The following KCNQ1 variants were observed in gnomAD, a reference collection of about 807,000 sequenced individuals.
KCNQ1 encodes the protein potassium voltage-gated channel subfamily Q member 1.
A neutral mutation model predicts 72.4 loss-of-function variants in KCNQ1; 49 were observed. That is an observed-to-expected ratio of 0.68 (90% confidence interval 0.54 to 0.86). KCNQ1 has a LOEUF of 0.86. KCNQ1 is among the 40% of genes least tolerant of loss of function. The pLI is 0.00. For synonymous variants in KCNQ1, 450 were observed against 412.6 expected (o/e 1.09, Z -1.10); for missense variants, 790 against 945.1 (o/e 0.84, Z 2.15).
At chr11:2,518,288 C>G (rs897998962) in intron 1 of KCNQ1, among the ~76,000 whole-genome samples, 12 of 152,334 alleles carry the variant, frequency 7.9e-5, no homozygotes, top group African/African-American at 2.9e-4. Context: ...GAAGCCCAGG[C>G]CAGGGCCTCC....
At chr11:2,841,348 C>T (rs372154072) in intron 15 of KCNQ1, among the ~76,000 whole-genome samples, 2 of 152,140 alleles carry the variant, frequency 1.3e-5, no homozygotes, top group Non-Finnish European at 2.9e-5. Flanking sequence ...TTGGCCCAGG[C>T]TGGGAGGGAA....
At chr11:2,455,306 G>C (rs1012611760) in intron 1 of KCNQ1, among the ~76,000 whole-genome samples, 1 of 151,626 alleles carries the variant, frequency 6.6e-6, no homozygotes, top group Non-Finnish European at 1.5e-5. Flanking sequence ...CACCGTGTTA[G>C]CCAGGATGGT....
At position 2,668,041 on chromosome 11, in the gene KCNQ1, C is replaced by G. The variant is rs1025585477; in HGVS notation, c.1514+5960C>G. ...TGCTAGCAGCAAGGACCAGCTTTGC[C>G]CACATTTGAACTTTATGCGGTGGGA... On this transcript the variant is annotated intron_variant, in intron 11 of 15. Coordinates refer to ENST00000155840, the MANE Select transcript of KCNQ1 (RefSeq NM_000218.3). This position sits in a 1 kb window ranked among gnomAD's most constrained non-coding sequence, Gnocchi z 4.3. 10 of 398,486 alleles carry G rather than the reference C, an allele frequency of 2.5e-5. No individual in the cohort carries two copies. The Admixed American group carries it at 3.1e-4, about 12-fold the overall frequency. The allele number at this position is 398,486 out of a possible 1,614,324, so 24.7% of individuals were successfully genotyped here. A position where few individuals can be genotyped will look rare whatever the true frequency, so the allele number is the denominator to read the frequency against.
Position 2,450,095 on chromosome 11 carries a change from T to C in KCNQ1, c.386+4611T>C, listed in dbSNP as rs1483332015. Among the ~76,000 whole-genome samples, 2 of 152,208 alleles carry C rather than the reference T, an allele frequency of 1.3e-5. No homozygotes were observed. The highest frequency in any genetic ancestry group is 1.3e-4 in the Admixed American group (2 of 15,290). On this transcript the variant is annotated intron_variant, in intron 1 of 15. Coordinates refer to ENST00000155840, the MANE Select transcript of KCNQ1 (RefSeq NM_000218.3). The surrounding 1 kb of genome is among the most constrained non-coding windows in gnomAD (Gnocchi z 7.9). Reference sequence around the variant, plus strand: ...TTCCCTGCATTCCACCCGCCTTGTCTGGGAGGTGGACGAGCCCTCCGTAGC... The same window carrying C: ...TTCCCTGCATTCCACCCGCCTTGTCCGGGAGGTGGACGAGCCCTCCGTAGC...
In KCNQ1 at chr11:2,471,161, G is replaced by A. The variant is rs1196493960; in HGVS notation, c.386+25677G>A. 6.6e-6 allele frequency among the ~76,000 whole-genome samples: 1 copy of A among 152,006 alleles called. No homozygotes were observed. The highest frequency in any genetic ancestry group is 1.5e-5 in the Non-Finnish European group (1 of 68,012). On this transcript the variant is annotated intron_variant, in intron 1 of 15. Coordinates refer to ENST00000155840, the MANE Select transcript of KCNQ1 (RefSeq NM_000218.3). This position sits in a 1 kb window ranked among gnomAD's most constrained non-coding sequence, Gnocchi z 4.8. ...ATATCTCCCAACGGCTGGGGAACAA[G>A]GGCTGACTCGGCTGCAATCATCCTG...
At position 2,624,957 on chromosome 11, in the gene KCNQ1, A is replaced by G; in HGVS notation, c.1393+36103A>G. On this transcript the variant is annotated intron_variant, in intron 10 of 15. Coordinates refer to ENST00000155840, the MANE Select transcript of KCNQ1 (RefSeq NM_000218.3). The surrounding 1 kb of genome is among the most constrained non-coding windows in gnomAD (Gnocchi z 4.9). ...AGCTGAATAATATTACATTGTATGT[A>G]TATACCACATTTTGCTTATCCATTC... The G allele has an allele frequency of 2.5e-6, 1 of 398,586 alleles. No individual in the cohort carries two copies. The highest frequency in any genetic ancestry group is 4.4e-6 in the Non-Finnish European group (1 of 226,070). 24.7% of individuals were successfully genotyped at this position (398,586 alleles called of 1,614,324 possible).
In KCNQ1 at chr11:2,764,529, G is replaced by T. The variant is rs1846461686; in HGVS notation, c.1515-4315G>T. Among the ~76,000 whole-genome samples the T allele has an allele frequency of 1.3e-5, 2 of 152,080 alleles. No individual in the cohort carries two copies. The highest frequency in any genetic ancestry group is 2.9e-5 in the Non-Finnish European group (2 of 68,024). The stretch of plus-strand genomic sequence containing the variant: ...TTTCTTTCTTGAAATATCCTTGTCA[G>T]ATTTTGATATCAAGGTTATGCTGCC... On this transcript the variant is annotated intron_variant, in intron 11 of 15. Transcript: ENST00000155840. The surrounding 1 kb of genome is among the most constrained non-coding windows in gnomAD (Gnocchi z 4.8).
In KCNQ1 at chr11:2,509,996, G is replaced by A. The variant is rs575468439; in HGVS notation, c.387-17932G>A. Among the ~76,000 whole-genome samples, 17 of 152,120 alleles carry A rather than the reference G, an allele frequency of 1.1e-4. No individual in the cohort carries two copies. Among genetic ancestry groups the A allele is most frequent in the Non-Finnish European group, 2.5e-4 (17 of 68,032 alleles). Reference sequence around the variant, plus strand: ...GTTTAAAGGCTAATTGGGATCGGTCGTGGTGCCTCAGGCCTGTCAATCCAG... The same window carrying A: ...GTTTAAAGGCTAATTGGGATCGGTCATGGTGCCTCAGGCCTGTCAATCCAG... On this transcript the variant is annotated intron_variant, in intron 1 of 15. Coordinates refer to ENST00000155840, the MANE Select transcript of KCNQ1 (RefSeq NM_000218.3). The surrounding 1 kb of genome is among the most constrained non-coding windows in gnomAD (Gnocchi z 6.3).
At chr11:2,633,229 A>T in intron 10 of KCNQ1, 1 of 398,510 alleles carries the variant, frequency 2.5e-6, no homozygotes, top group Non-Finnish European at 4.4e-6. Context: ...TCTAAATCAG[A>T]TAATCTGGTG....
chr11:2,519,992 A>T (rs377439752), intron 1 of KCNQ1, among the ~76,000 whole-genome samples: 1 of 152,152 alleles, frequency 6.6e-6, no homozygotes, highest in East Asian at 1.9e-4. Flanking sequence ...GCCGCCACCC[A>T]CCCAGGACGC....
intron 11 of KCNQ1, among the ~76,000 whole-genome samples, chr11:2,756,948 T>A (rs1279785495): frequency 1.2e-4 from 7 of 60,060 alleles, no homozygotes; most frequent in Non-Finnish European, 1.7e-4. Context: ...ATCAAGAGCA[T>A]CTTAAAAAAA....
chr11:2,801,309 C>T (rs1052228982), intron 15 of KCNQ1, among the ~76,000 whole-genome samples: 19 of 152,222 alleles, frequency 1.2e-4, no homozygotes, highest in African/African-American at 4.6e-4. Flanking sequence ...CGGGCACTCA[C>T]CTGCCCTTGC....
chr11:2,846,333 G>T (rs139257023), intron 15 of KCNQ1, among the ~76,000 whole-genome samples: 1 of 152,132 alleles, frequency 6.6e-6, no homozygotes, highest in African/African-American at 2.4e-5. Context: ...AGCCCTTATC[G>T]CGTGCTGATC....
intron 15 of KCNQ1, among the ~76,000 whole-genome samples, chr11:2,814,119 A>G (rs1420915763): frequency 7.0e-6 from 1 of 142,656 alleles, no homozygotes; most frequent in Non-Finnish European, 1.5e-5. Flanking sequence ...GGATGAATAA[A>G]GGGATGGGTG....
chr11:2,620,213 T>TA lies in KCNQ1; in HGVS notation c.1393+31359_1393+31360insA, dbSNP rs1305943444. 2.7e-3 allele frequency: 664 copies of TA among 245,074 alleles called. No homozygotes were observed. Among genetic ancestry groups the TA allele is most frequent in the East Asian group, 7.2e-3 (101 of 13,940 alleles). The allele number at this position is 245,074 out of a possible 1,614,324, so 15.2% of individuals were successfully genotyped here. ...AGTTCATTCATGTATATATATATAT[T>TA]TTTTTTTTTTATTTTTTTTTTAGAC... On this transcript the variant is annotated intron_variant, in intron 10 of 15. Transcript: ENST00000155840. This position sits in a 1 kb window ranked among gnomAD's most constrained non-coding sequence, Gnocchi z 4.5.
chr11:2,472,986 G>A (rs1387889079), intron 1 of KCNQ1, among the ~76,000 whole-genome samples: 4 of 151,938 alleles, frequency 2.6e-5, no homozygotes, highest in African/African-American at 9.7e-5. Context: ...GGTGGGCGTG[G>A]CTGGGAGAAG....
intron 11 of KCNQ1, chr11:2,666,394 C>T (rs1291085682): frequency 2.5e-5 from 10 of 398,558 alleles, no homozygotes; most frequent in African/African-American, 2.1e-4. Context: ...TTCGCAAATC[C>T]TTGAGCAAAA....
intron 10 of KCNQ1, chr11:2,609,927 A>C (rs1315449222): frequency 1.0e-5 from 4 of 397,892 alleles, no homozygotes; most frequent in African/African-American, 4.1e-5. Flanking sequence ...CCTCATATAG[A>C]TGGAATACAG....
intron 11 of KCNQ1, among the ~76,000 whole-genome samples, chr11:2,718,305 C>G (rs1306785180): frequency 6.6e-6 from 1 of 152,196 alleles, no homozygotes; most frequent in Non-Finnish European, 1.5e-5. Flanking sequence ...GGTGCCTCAC[C>G]ACACTCCATC....
Sources: gnomAD v4.1 joint callset for allele counts (sites outside exome capture counted in the v4.1 genomes callset) on GRCh38, gnomAD v4.1.1 for gene constraint, Gnocchi (gnomAD v3.1) non-coding constraint, MANE v1.5 for transcripts, NCBI Gene and HGNC (gene_info 2026-07-23, HGNC 2026-07-21) for gene names.